COL19A1: variants seen among roughly 807,000 people sequenced by gnomAD.
The protein encoded by COL19A1 is collagen type XIX alpha 1 chain.
A neutral mutation model predicts 190.2 loss-of-function variants in COL19A1; 159 were observed. That is an observed-to-expected ratio of 0.84 (90% CI 0.73 to 0.95). COL19A1 has a LOEUF of 0.95. COL19A1 is among the 40% of genes least tolerant of loss of function. The probability of loss-of-function intolerance (pLI) is 0.00; values close to 1 mark genes in which losing one functional copy is unlikely to be tolerated. For synonymous variants in COL19A1, 509 were observed against 458.9 expected (o/e 1.11, Z -1.39); for missense variants, 1,418 against 1,431.9 (o/e 0.99, Z 0.16).
chr6:70,038,979 C>T (rs373811975), intron 14 of COL19A1, among the ~76,000 whole-genome samples: 2 of 152,026 alleles, frequency 1.3e-5, no homozygotes, highest in Admixed American at 6.6e-5. Flanking sequence ...ATTGCTCGAA[C>T]CCGGGAGGCG....
intron 11 of COL19A1, among the ~76,000 whole-genome samples, chr6:70,008,351 A>T (rs1777763871): frequency 6.6e-6 from 1 of 151,864 alleles, no homozygotes; most frequent in Non-Finnish European, 1.5e-5. Flanking sequence ...ACAATGAGGG[A>T]GGGGACACCA....
At chr6:69,893,424 A>G (rs1769497014) in intron 2 of COL19A1, among the ~76,000 whole-genome samples, 1 of 152,200 alleles carries the variant, frequency 6.6e-6, no homozygotes, top group Non-Finnish European at 1.5e-5. Context: ...TATCTCCCTA[A>G]TGGTTTACAG....
chr6:70,176,672 T>A, intron 42 of COL19A1, 108 bp downstream of exon 42: 2 of 908,152 alleles, frequency 2.2e-6, no homozygotes, highest in Non-Finnish European at 3.2e-6. Context: ...ATAACTCCCA[T>A]GGCATTAGGT....
chr6:69,881,989 G>A lies in COL19A1; in HGVS notation c.91+2331G>A, dbSNP rs564770700. Among the ~76,000 whole-genome samples the A allele has an allele frequency of 5.9e-5, 9 of 152,274 alleles. No homozygotes were observed. In the South Asian group the frequency reaches 8.3e-4, roughly 14 times the overall value. ...AGTTTCCTCATGTGCAGACCTGCGCGTGTGGTCACTAACCATTTACCGGAG... is the reference window on the plus strand; with the variant it reads ...AGTTTCCTCATGTGCAGACCTGCGCATGTGGTCACTAACCATTTACCGGAG... On this transcript the variant is annotated intron_variant, in intron 2 of 50. Coordinates refer to ENST00000620364, the MANE Select transcript of COL19A1 (RefSeq NM_001858.6).
At chr6:69,927,683 AT>A (rs1772487080) in intron 4 of COL19A1, among the ~76,000 whole-genome samples, 1 of 152,162 alleles carries the variant, frequency 6.6e-6, no homozygotes, top group South Asian at 2.1e-4. Context: ...GAATAAGGAA[AT>A]GTCACAATTT....
At chr6:70,091,869 G>A (rs973150728) in intron 15 of COL19A1, among the ~76,000 whole-genome samples, 1 of 152,142 alleles carries the variant, frequency 6.6e-6, no homozygotes, top group Non-Finnish European at 1.5e-5. Context: ...AAGGTAAATT[G>A]TAAAGCACAG....
At chr6:69,980,135 A>C (rs77665173) in intron 11 of COL19A1, among the ~76,000 whole-genome samples, 2,582 of 152,142 alleles carry the variant, frequency 0.017, 81 homozygotes, top group African/African-American at 0.057. Flanking sequence ...AAATGTAGTA[A>C]TTTAGAAATT....
chr6:70,123,969 AT>A (rs201846173), intron 17 of COL19A1, among the ~76,000 whole-genome samples: 38 of 149,604 alleles, frequency 2.5e-4, no homozygotes, highest in African/African-American at 5.4e-4. Flanking sequence ...ATAATAATAA[AT>A]TTAAAAAAAA....
At chr6:70,021,354 A>G (rs940774771) in intron 11 of COL19A1, among the ~76,000 whole-genome samples, 18 of 149,896 alleles carry the variant, frequency 1.2e-4, no homozygotes, top group African/African-American at 4.1e-4. Context: ...ATTTCCTTGT[A>G]CACACACATC....
chr6:69,899,922 CAT>C (rs770867481), intron 3 of COL19A1, among the ~76,000 whole-genome samples: 20 of 152,284 alleles, frequency 1.3e-4, no homozygotes, highest in Middle Eastern at 3.4e-3. Context: ...TAACTTTAGA[CAT>C]GAGAGCTGCT....
At chr6:70,118,165 G>A (rs774772931) in intron 16 of COL19A1, among the ~76,000 whole-genome samples, 25 of 152,148 alleles carry the variant, frequency 1.6e-4, no homozygotes, top group Admixed American at 2.6e-4. Flanking sequence ...TAAACTTGGC[G>A]ACAACTCCTT....
chr6:69,903,739 T>C (rs1423857531), intron 4 of COL19A1, among the ~76,000 whole-genome samples: 2 of 152,192 alleles, frequency 1.3e-5, no homozygotes, highest in African/African-American at 2.4e-5. Context: ...TAACTGAAAC[T>C]ATCTGTGGTC....
At chr6:69,957,242 G>A (rs1226998497) in intron 9 of COL19A1, among the ~76,000 whole-genome samples, 1 of 152,028 alleles carries the variant, frequency 6.6e-6, no homozygotes, top group Non-Finnish European at 1.5e-5. Flanking sequence ...AAAATATGCA[G>A]TGATTACAAG....
intron 2 of COL19A1, 125 bp downstream of exon 2, chr6:69,879,783 C>G (rs958687054): frequency 4.8e-6 from 4 of 839,684 alleles, no homozygotes; most frequent in African/African-American, 1.7e-5. Context: ...AATTACAATT[C>G]ATTGCTTTCT....
intron 4 of COL19A1, among the ~76,000 whole-genome samples, chr6:69,910,848 CTTTAATCTT>C (rs1405825943): frequency 6.6e-6 from 1 of 152,102 alleles, no homozygotes; most frequent in Non-Finnish European, 1.5e-5. Flanking sequence ...TCAGTCTTAT[CTTTAATCTT>C]AATTTGGCTC....
chr6:70,182,103 G>C (rs966294817), intron 44 of COL19A1, among the ~76,000 whole-genome samples: 4 of 152,114 alleles, frequency 2.6e-5, no homozygotes, highest in African/African-American at 7.2e-5. Context: ...AGAGTAGGCT[G>C]TAGGGAGTGG....
chr6:70,072,273 G>A (rs1267546455), intron 15 of COL19A1, among the ~76,000 whole-genome samples: 3 of 152,120 alleles, frequency 2.0e-5, no homozygotes, highest in Non-Finnish European at 4.4e-5. Context: ...TAATTTTTAT[G>A]TAACCTTGAA....
rs57648174 is a variant in COL19A1, at chr6:69,986,221, TTATATATATATATA to T, written c.1026+23370_1026+23383del. ...TAAAATGTTAAATGACTTACACGTT[TTATATATATATATA>T]TATATATATATATATATACACACAC... On this transcript the variant is annotated intron_variant, in intron 11 of 50. Transcript: ENST00000620364. 3.7e-3 allele frequency among the ~76,000 whole-genome samples: 516 copies of T among 138,284 alleles called. 7 individuals are homozygous for T. The highest frequency in any genetic ancestry group is 0.013 in the African/African-American group (482 of 37,726). 90.7% of individuals were successfully genotyped at this position (138,284 alleles called of 152,430 possible).
chr6:70,006,024 A>G (rs1777597993), intron 11 of COL19A1, among the ~76,000 whole-genome samples: 1 of 152,136 alleles, frequency 6.6e-6, no homozygotes, highest in Admixed American at 6.5e-5. Flanking sequence ...GCACAGACTG[A>G]AAAGCCCTTG....
Sources: allele counts gnomAD v4.1 joint callset (sites outside exome capture counted in the v4.1 genomes callset), GRCh38; gene constraint gnomAD v4.1.1; transcripts MANE v1.5; gene names NCBI Gene and HGNC (gene_info 2026-07-23, HGNC 2026-07-21).